PAMR1: variants seen among roughly 807,000 people sequenced by gnomAD.
PAMR1 encodes the protein peptidase domain containing associated with muscle regeneration 1.
In PAMR1, 88 loss-of-function variants were observed where a neutral mutation model predicts 81.8. That is an observed-to-expected ratio of 1.08 (90% CI 0.91 to 1.28). The LOEUF is 1.28. Among genes scored for constraint, PAMR1 ranks in the 50% most tolerant of loss-of-function variants. PAMR1 has a pLI of 0.00. For missense variants in PAMR1, 935 were observed against 919.7 expected (o/e 1.02, Z -0.21); for synonymous variants, 336 against 345.3 (o/e 0.97, Z 0.30).
At chr11:35,466,433 A>T (rs563542929) in intron 6 of PAMR1, among the ~76,000 whole-genome samples, 1 of 152,190 alleles carries the variant, frequency 6.6e-6, no homozygotes, top group Non-Finnish European at 1.5e-5. Context: ...GCAAGAAAAC[A>T]TTAGTGAAAA....
chr11:35,476,226 C>T (rs1265228689), intron 3 of PAMR1, among the ~76,000 whole-genome samples: 1 of 152,216 alleles, frequency 6.6e-6, no homozygotes, highest in Non-Finnish European at 1.5e-5. Context: ...TCCTGTCTAG[C>T]CCCAGCCTCC....
rs150338371 is a variant in PAMR1, at chr11:35,467,563, G to A, written c.820+438C>T. 8.8e-3 allele frequency among the ~76,000 whole-genome samples: 1,333 copies of A among 152,300 alleles called. 7 individuals are homozygous for A. The highest frequency in any genetic ancestry group is 0.013 in the Non-Finnish European group (907 of 68,022). On this transcript the variant is annotated intron_variant, in intron 6 of 10. Transcript: ENST00000619888. ...TATTAATAATTTTGCTCAGCAAAAT[G>A]TATATCTACCACCCTCATTGCAGGG... is the stretch of plus-strand genomic sequence containing the variant.
chr11:35,460,251 G>A (rs1352244837), intron 6 of PAMR1, among the ~76,000 whole-genome samples: 1 of 152,062 alleles, frequency 6.6e-6, no homozygotes, highest in Non-Finnish European at 1.5e-5. Context: ...TAATGTCAGG[G>A]ATACTTGTTT....
chr11:35,472,325 C>T (rs142151700), intron 4 of PAMR1, among the ~76,000 whole-genome samples: 8 of 152,308 alleles, frequency 5.3e-5, no homozygotes, highest in East Asian at 1.9e-4. Flanking sequence ...ACTATATTTG[C>T]GTTCATGCAT....
chr11:35,524,506 T>C (rs574103027), intron 1 of PAMR1, among the ~76,000 whole-genome samples: 9 of 152,288 alleles, frequency 5.9e-5, no homozygotes, highest in African/African-American at 2.2e-4. Flanking sequence ...GCCAGCTACT[T>C]GCAGCGGCAG....
chr11:35,446,160 T>G (rs576190138), intron 6 of PAMR1, among the ~76,000 whole-genome samples: 6 of 152,360 alleles, frequency 3.9e-5, no homozygotes, highest in South Asian at 4.1e-4. Flanking sequence ...TTTGCATTTT[T>G]GGGGTTAGTG....
chr11:35,469,229 T>C (rs75505422), intron 5 of PAMR1, among the ~76,000 whole-genome samples: 1 of 152,152 alleles, frequency 6.6e-6, no homozygotes, highest in East Asian at 1.9e-4. Flanking sequence ...TGAAGGCAAG[T>C]GAACAAACAG....
Position 35,439,656 on chromosome 11 carries a change from CCTT to C in PAMR1, c.1068_1070del (p.Arg358del), listed in dbSNP as rs766942498. 30 of 1,613,912 alleles carry C rather than the reference CCTT, an allele frequency of 1.9e-5. No homozygotes were observed. The South Asian group carries it at 3.1e-4, about 17-fold the overall frequency. ...ACTGAACCTGCATCGGAAGAACTCT[CCTT>C]CTCACCAGGTCTGAAATCTTTGGTT... On this transcript the variant is annotated inframe_deletion, in exon 8 of 11. Transcript: ENST00000619888.
At chr11:35,504,303 T>C (rs955141918) in intron 1 of PAMR1, among the ~76,000 whole-genome samples, 1 of 152,158 alleles carries the variant, frequency 6.6e-6, no homozygotes, top group Non-Finnish European at 1.5e-5. Flanking sequence ...TATTTGCATC[T>C]GGGCTCATCA....
chr11:35,474,198 G>A (rs569335196), intron 4 of PAMR1, among the ~76,000 whole-genome samples: 3 of 152,220 alleles, frequency 2.0e-5, no homozygotes, highest in Non-Finnish European at 4.4e-5. Flanking sequence ...TTTGTTGTGG[G>A]ATGTTTGCTT....
chr11:35,447,369 A>T (rs576740360), intron 6 of PAMR1, among the ~76,000 whole-genome samples: 6 of 151,868 alleles, frequency 4.0e-5, no homozygotes, highest in Non-Finnish European at 7.4e-5. Flanking sequence ...CGCCCGGCTA[A>T]TTTTTTTCTA....
At chr11:35,524,417 G>A (rs924548301) in intron 1 of PAMR1, among the ~76,000 whole-genome samples, 1 of 152,142 alleles carries the variant, frequency 6.6e-6, no homozygotes, top group Admixed American at 6.5e-5. Context: ...TGTGCCTATG[G>A]CTAAGTTTCC....
At chr11:35,436,208 G>A in intron 8 of PAMR1, 73 bp from the exon 9 acceptor site, 1 of 897,342 alleles carries the variant, frequency 1.1e-6, no homozygotes, top group Non-Finnish European at 1.8e-6. Flanking sequence ...TAGCATTCAT[G>A]CCATGTCCCA....
chr11:35,436,130 G>T lies in PAMR1; in HGVS notation c.1106C>A (p.Thr369Lys). 2.5e-6 allele frequency: 4 copies of T among 1,608,584 alleles called. No homozygotes were observed. In the Admixed American group the frequency reaches 6.7e-5, roughly 27 times the overall value. The change falls in exon 9 of 11, where the codon ACA becomes AAA. Residue 369 changes from threonine (T) to lysine (K), a missense_variant. Physicochemically the swap from Thr to Lys is moderately conservative, Grantham distance 78 (BLOSUM62 -1). Transcript: ENST00000619888. ...VLPMQVQSRE[T>K]PLHQLYSAAF... is the part of the protein sequence containing the mutation. ...CGCTGAGTATAGCTGGTGTAATGGT[G>T]TCTCCCTGGGTCAGGAAACATGGGC...
At chr11:35,522,228 G>A (rs1485482265) in intron 1 of PAMR1, among the ~76,000 whole-genome samples, 6 of 152,222 alleles carry the variant, frequency 3.9e-5, no homozygotes, top group South Asian at 4.2e-4. Flanking sequence ...GCCTCAAATC[G>A]TTTTTAAGTG....
At chr11:35,459,023 C>G (rs1367011030) in intron 6 of PAMR1, among the ~76,000 whole-genome samples, 1 of 152,204 alleles carries the variant, frequency 6.6e-6, no homozygotes, top group Non-Finnish European at 1.5e-5. Context: ...ATTCTTCCCC[C>G]CTGATGTTTT....
chr11:35,501,932 A>T (rs1850854205), intron 1 of PAMR1, among the ~76,000 whole-genome samples: 1 of 152,100 alleles, frequency 6.6e-6, no homozygotes, highest in Non-Finnish European at 1.5e-5. Context: ...TTCCTTTTGG[A>T]TATATTCCCA....
At chr11:35,520,978 C>A (rs1851261362) in intron 1 of PAMR1, among the ~76,000 whole-genome samples, 1 of 152,302 alleles carries the variant, frequency 6.6e-6, no homozygotes, top group African/African-American at 2.4e-5. Context: ...ATTGTCCATG[C>A]CAATGGCATT....
chr11:35,464,297 T>C (rs1394683507), intron 6 of PAMR1, among the ~76,000 whole-genome samples: 2 of 152,202 alleles, frequency 1.3e-5, no homozygotes, highest in Non-Finnish European at 2.9e-5. Context: ...AGCAATCATT[T>C]TTTCAAATCA....
Sources: allele counts gnomAD v4.1 joint callset (sites outside exome capture counted in the v4.1 genomes callset), GRCh38; gene constraint gnomAD v4.1.1; transcripts MANE v1.5; gene names NCBI Gene and HGNC (gene_info 2026-07-23, HGNC 2026-07-21).